SEMA6A: variants seen among roughly 807,000 people sequenced by gnomAD.
SEMA6A encodes semaphorin 6A.
In SEMA6A, 25 loss-of-function variants were observed where a neutral mutation model predicts 96.8. The observed-to-expected ratio is 0.26, with a 90% CI of 0.19 to 0.36. The LOEUF (loss-of-function observed/expected upper bound fraction) is 0.36, where lower values mean the gene tolerates loss of function less well. Among genes scored for constraint, SEMA6A ranks in the 10% least tolerant of loss-of-function variants. The probability of loss-of-function intolerance (pLI) is 1.00; values close to 1 mark genes in which losing one functional copy is unlikely to be tolerated. For synonymous variants in SEMA6A, 612 were observed against 518.0 expected (o/e 1.18, Z -2.46); for missense variants, 1,363 against 1,323.1 (o/e 1.03, Z -0.47).
In SEMA6A at chr5:116,467,736, A is replaced by G. The variant is rs1377027044; in HGVS notation, c.1741T>C (p.Ser581Pro). The G allele has an allele frequency of 6.2e-7, 1 of 1,613,726 alleles. No individual in the cohort carries two copies. Among genetic ancestry groups the G allele is most frequent in the African/African-American group, 1.3e-5 (1 of 75,022 alleles). The change falls in exon 18 of 19, where the codon TCC (serine) becomes CCC (proline). Residue 581 changes from serine (S) to proline (P), a missense_variant. Around this residue, in one of 2 missense-constraint regions of SEMA6A, gnomAD observed 883 missense variants for 763.6 expected, o/e 1.16. Coordinates refer to ENST00000343348, the MANE Select transcript of SEMA6A (RefSeq NM_020796.5). ...SFVALNGHSS[S>P]LLPSTTTSDS... Reference sequence around the variant, plus strand: ...GATGTGGTTGTGCTGGGCAAGAGGGAACTGGAATGCCCTGTTTTCATCACA... The same window carrying G: ...GATGTGGTTGTGCTGGGCAAGAGGGGACTGGAATGCCCTGTTTTCATCACA...
At chr5:116,486,580 A>G in intron 10 of SEMA6A, 169 bp downstream of exon 10, 1 of 607,720 alleles carries the variant, frequency 1.6e-6, no homozygotes, top group South Asian at 2.1e-5. Flanking sequence ...AATAGTGCTT[A>G]TAAACTACTT....
intron 1 of SEMA6A, among the ~76,000 whole-genome samples, chr5:116,543,561 C>G (rs780778984): frequency 1.6e-4 from 24 of 152,098 alleles, no homozygotes; most frequent in Non-Finnish European, 3.4e-4. Context: ...AGAATAAGGC[C>G]AAGAATTTCA....
At chr5:116,502,060 A>G in intron 3 of SEMA6A, 150 bp downstream of exon 3, 1 of 627,766 alleles carries the variant, frequency 1.6e-6, no homozygotes, top group South Asian at 2.1e-5. Flanking sequence ...ATTTTGAAAT[A>G]ATGATTGCTT....
chr5:116,517,444 G>A (rs1758725232), intron 1 of SEMA6A, among the ~76,000 whole-genome samples: 1 of 151,880 alleles, frequency 6.6e-6, no homozygotes, highest in Non-Finnish European at 1.5e-5. Flanking sequence ...TCCACAGTGT[G>A]TTGTGAAATT....
chr5:116,476,706 G>A (rs1169204198), intron 15 of SEMA6A, among the ~76,000 whole-genome samples: 2 of 152,192 alleles, frequency 1.3e-5, no homozygotes, highest in African/African-American at 4.8e-5. Context: ...GTTGAACATA[G>A]AAAGGACATA....
chr5:116,447,019 G>GACAGGGAGGCTCCCGGGGGAC lies in SEMA6A; in HGVS notation c.2666_2686dup (p.Leu895_Ser896insCysProProGlyAlaSerLeu). ...CAGCCGCTTGCTTAGACCGGTCTGAGACAGGGAGGCTCCCGGGGGACCCAG... is the reference window on the plus strand; with the variant it reads ...CAGCCGCTTGCTTAGACCGGTCTGAGACAGGGAGGCTCCCGGGGGACACAGGGAGGCTCCCGGGGGACCCAG... On this transcript the variant is annotated inframe_insertion, in exon 19 of 19. Transcript: ENST00000343348. 1 of 1,613,964 alleles carries GACAGGGAGGCTCCCGGGGGAC rather than the reference G, an allele frequency of 6.2e-7. No homozygotes were observed. Among genetic ancestry groups the GACAGGGAGGCTCCCGGGGGAC allele is most frequent in the East Asian group, 2.2e-5 (1 of 44,836 alleles).
chr5:116,491,645 A>AC, intron 7 of SEMA6A, 95 bp downstream of exon 7: 1 of 897,702 alleles, frequency 1.1e-6, no homozygotes. Context: ...GAATCAAAGC[A>AC]CAACTGTGAC....
At chr5:116,528,370 A>G (rs1293761581) in intron 1 of SEMA6A, among the ~76,000 whole-genome samples, 1 of 152,136 alleles carries the variant, frequency 6.6e-6, no homozygotes, top group Non-Finnish European at 1.5e-5. Context: ...TTGCTGACCA[A>G]TGCCTCCTGC....
At chr5:116,547,303 T>TC in intron 1 of SEMA6A, among the ~76,000 whole-genome samples, 1 of 152,324 alleles carries the variant, frequency 6.6e-6, no homozygotes, top group African/African-American at 2.4e-5. Context: ...CTTTGATCCT[T>TC]CCAAGTCATC....
chr5:116,450,816 G>A (rs577305754), intron 18 of SEMA6A, among the ~76,000 whole-genome samples: 3 of 152,250 alleles, frequency 2.0e-5, no homozygotes, highest in African/African-American at 4.8e-5. Flanking sequence ...ATTCAGAAAC[G>A]TCCAAAGATG....
intron 10 of SEMA6A, 99 bp downstream of exon 10, chr5:116,486,650 T>C: frequency 1.0e-6 from 1 of 961,864 alleles, no homozygotes; most frequent in Non-Finnish European, 1.6e-6. Flanking sequence ...ATGAATGCAA[T>C]TTTCAGTCAG....
intron 1 of SEMA6A, among the ~76,000 whole-genome samples, chr5:116,527,915 T>A (rs1447372193): frequency 6.6e-6 from 1 of 152,054 alleles, no homozygotes; most frequent in African/African-American, 2.4e-5. Context: ...ATAAAGCAAA[T>A]GCATATTAAA....
chr5:116,562,958 C>A lies in SEMA6A; in HGVS notation c.-39+11227G>T, dbSNP rs184878981. The A allele has an allele frequency of 2.1e-4, 125 of 582,182 alleles. No individual in the cohort carries two copies. The East Asian group carries it at 3.6e-3, about 17-fold the overall frequency. The allele number at this position is 582,182 out of a possible 1,614,324, so 36.1% of individuals were successfully genotyped here. The stretch of plus-strand genomic sequence containing the variant: ...ATGGGGTGGATAGAGGACGTCCCCC[C>A]CATCCTCTCTGACAGCACCCGCAGG... On this transcript the variant is annotated intron_variant, in intron 1 of 18. Coordinates refer to ENST00000343348, the MANE Select transcript of SEMA6A (RefSeq NM_020796.5).
At chr5:116,488,807 T>C in intron 8 of SEMA6A, 81 bp downstream of exon 8, 1 of 1,423,922 alleles carries the variant, frequency 7.0e-7, no homozygotes, top group Non-Finnish European at 9.3e-7. Flanking sequence ...AGATACAGTC[T>C]GGTCCCTCCA....
chr5:116,568,639 A>G (rs541379041), intron 1 of SEMA6A, among the ~76,000 whole-genome samples: 35 of 152,232 alleles, frequency 2.3e-4, no homozygotes, highest in African/African-American at 8.2e-4. Context: ...ATTTTACCTA[A>G]CTCAGACTCC....
At chr5:116,548,343 T>A (rs1760270968) in intron 1 of SEMA6A, among the ~76,000 whole-genome samples, 1 of 152,130 alleles carries the variant, frequency 6.6e-6, no homozygotes, top group Non-Finnish European at 1.5e-5. Flanking sequence ...ACATTTCTCA[T>A]CACACTGGAG....
intron 1 of SEMA6A, among the ~76,000 whole-genome samples, chr5:116,514,853 G>A (rs1026231049): frequency 2.0e-5 from 3 of 152,142 alleles, no homozygotes; most frequent in African/African-American, 7.2e-5. Flanking sequence ...CCCTCCCCTT[G>A]CATCACCCCC....
chr5:116,539,665 A>G (rs1325680322), intron 1 of SEMA6A, among the ~76,000 whole-genome samples: 1 of 152,058 alleles, frequency 6.6e-6, no homozygotes, highest in Non-Finnish European at 1.5e-5. Context: ...TCACACTAAA[A>G]TATACATAAT....
intron 1 of SEMA6A, among the ~76,000 whole-genome samples, chr5:116,553,409 C>A (rs1760492770): frequency 6.6e-6 from 1 of 152,164 alleles, no homozygotes; most frequent in South Asian, 2.1e-4. Flanking sequence ...TTTAATATGG[C>A]AGCTGATGCC....
Sources: allele counts gnomAD v4.1 joint callset (sites outside exome capture counted in the v4.1 genomes callset), GRCh38; gene constraint gnomAD v4.1.1; regional missense constraint gnomAD v4.1.1; transcripts MANE v1.5; gene names NCBI Gene and HGNC (gene_info 2026-07-23, HGNC 2026-07-21).